The following EPHA3 variants were observed in gnomAD, a reference collection of about 807,000 sequenced individuals.
The protein encoded by EPHA3 is EPH receptor A3, also known as ephrin type-A receptor 3.
A neutral mutation model predicts 107.1 loss-of-function variants in EPHA3; 42 were observed. The ratio of observed to expected loss-of-function variants is 0.39; its 90% confidence interval spans 0.31 to 0.51. The LOEUF (loss-of-function observed/expected upper bound fraction) is 0.51. Among genes scored for constraint, EPHA3 ranks in the 20% least tolerant of loss-of-function variants. The pLI, the probability that EPHA3 is intolerant of heterozygous loss-of-function variation, is 0.78. For missense variants in EPHA3, 1,183 were observed against 1,211.2 expected (o/e 0.98, Z 0.35); for synonymous variants, 461 against 424.8 (o/e 1.09, Z -1.05).
intron 3 of EPHA3, among the ~76,000 whole-genome samples, chr3:89,272,625 T>G (rs1211446022): frequency 6.6e-6 from 1 of 151,996 alleles, no homozygotes; most frequent in Non-Finnish European, 1.5e-5. Flanking sequence ...CTCATTTTTC[T>G]AGTTGTATGT....
chr3:89,400,664 G>C (rs1259306924), intron 7 of EPHA3, among the ~76,000 whole-genome samples: 1 of 149,652 alleles, frequency 6.7e-6, no homozygotes. Context: ...TGTGTGTTTA[G>C]GTAATCATAA....
chr3:89,385,694 A>C (rs1387364863), intron 5 of EPHA3, among the ~76,000 whole-genome samples: 1 of 152,192 alleles, frequency 6.6e-6, no homozygotes, highest in Non-Finnish European at 1.5e-5. Flanking sequence ...ATACCCAAAA[A>C]TGTGGAAGCA....
At position 89,127,291 on chromosome 3, in the gene EPHA3, T is replaced by C. The variant is rs778444187; in HGVS notation, c.153+18T>C. Reference sequence around the variant, plus strand: ...CACATGGGGTGAGTTCAATAAACTATCACAAGGAAACATTTTCTCTATTAC... The same window carrying C: ...CACATGGGGTGAGTTCAATAAACTACCACAAGGAAACATTTTCTCTATTAC... On this transcript the variant is annotated intron_variant, in intron 2 of 16. Transcript: ENST00000336596. 1 of 1,593,594 alleles carries C rather than the reference T, an allele frequency of 6.3e-7. No individual in the cohort carries two copies.
At chr3:89,365,201 A>C (rs1184708608) in intron 5 of EPHA3, among the ~76,000 whole-genome samples, 2 of 150,738 alleles carry the variant, frequency 1.3e-5, no homozygotes, top group African/African-American at 4.8e-5. Context: ...AAAGGTAAAG[A>C]AGGGTTTAAC....
At chr3:89,127,525 T>G (rs187472477) in intron 2 of EPHA3, among the ~76,000 whole-genome samples, 9 of 152,126 alleles carry the variant, frequency 5.9e-5, no homozygotes, top group Admixed American at 5.2e-4. Flanking sequence ...TAATTATTAT[T>G]GGCATCATGT....
chr3:89,168,606 G>A (rs1480758979), intron 2 of EPHA3, among the ~76,000 whole-genome samples: 1 of 151,930 alleles, frequency 6.6e-6, no homozygotes, highest in Non-Finnish European at 1.5e-5. Context: ...CTAAATTAGA[G>A]TTTAGTATAT....
chr3:89,383,265 C>T (rs115830186), intron 5 of EPHA3, among the ~76,000 whole-genome samples: 2,433 of 152,254 alleles, frequency 0.016, 66 homozygotes, highest in African/African-American at 0.055. Flanking sequence ...AATGGCATTT[C>T]GTTTTACTCC....
intron 2 of EPHA3, among the ~76,000 whole-genome samples, chr3:89,145,949 G>T (rs1433193961): frequency 6.6e-6 from 1 of 151,836 alleles, no homozygotes; most frequent in East Asian, 1.9e-4. Context: ...AAAATGAGAT[G>T]TAGTGTTAAA....
At chr3:89,434,684 A>G (rs1391015709) in intron 13 of EPHA3, among the ~76,000 whole-genome samples, 1 of 152,208 alleles carries the variant, frequency 6.6e-6, no homozygotes, top group East Asian at 1.9e-4. Flanking sequence ...TTTCCTTTAC[A>G]CTGATTGTTG....
intron 2 of EPHA3, among the ~76,000 whole-genome samples, chr3:89,140,249 A>G (rs1248321744): frequency 6.6e-6 from 1 of 151,888 alleles, no homozygotes; most frequent in Non-Finnish European, 1.5e-5. Context: ...AACTAAAATA[A>G]ATATCACATA....
At chr3:89,417,293 C>T (rs142915525) in intron 10 of EPHA3, among the ~76,000 whole-genome samples, 3 of 151,406 alleles carry the variant, frequency 2.0e-5, no homozygotes, top group African/African-American at 4.8e-5. Flanking sequence ...CGAAGCAATT[C>T]GGCTGCAGGA....
chr3:89,442,210 T>C (rs1188407541), intron 13 of EPHA3, among the ~76,000 whole-genome samples: 2 of 151,918 alleles, frequency 1.3e-5, no homozygotes, highest in Non-Finnish European at 2.9e-5. Flanking sequence ...ATAAAAAAAT[T>C]CCAGAAGGGA....
intron 1 of EPHA3, among the ~76,000 whole-genome samples, chr3:89,119,123 C>T (rs1707320715): frequency 1.3e-5 from 2 of 152,054 alleles, no homozygotes; most frequent in African/African-American, 4.8e-5. Context: ...AACAAAGACA[C>T]ACTTTTAAGC....
At chr3:89,393,211 G>T (rs1479147705) in intron 5 of EPHA3, among the ~76,000 whole-genome samples, 1 of 152,182 alleles carries the variant, frequency 6.6e-6, no homozygotes, top group African/African-American at 2.4e-5. Context: ...GATGGCACAA[G>T]CTTCAAGCAA....
At chr3:89,285,863 A>G (rs1706069121) in intron 3 of EPHA3, among the ~76,000 whole-genome samples, 1 of 152,138 alleles carries the variant, frequency 6.6e-6, no homozygotes, top group Non-Finnish European at 1.5e-5. Flanking sequence ...TTTATATAGC[A>G]GGAAAGGAAT....
chr3:89,255,507 A>G (rs995449026), intron 3 of EPHA3, among the ~76,000 whole-genome samples: 2 of 152,230 alleles, frequency 1.3e-5, no homozygotes, highest in African/African-American at 4.8e-5. Context: ...TCACATGACA[A>G]CATCAGTAGT....
intron 2 of EPHA3, among the ~76,000 whole-genome samples, chr3:89,130,464 C>G (rs1704182065): frequency 6.6e-6 from 1 of 152,150 alleles, no homozygotes; most frequent in South Asian, 2.1e-4. Context: ...ATCATCTGAG[C>G]TATAAAAAAT....
intron 2 of EPHA3, among the ~76,000 whole-genome samples, chr3:89,193,276 A>G (rs940890335): frequency 6.6e-6 from 1 of 152,022 alleles, no homozygotes; most frequent in Non-Finnish European, 1.5e-5. Flanking sequence ...TGGGTTTAAA[A>G]ATTTCTTTTA....
intron 3 of EPHA3, among the ~76,000 whole-genome samples, chr3:89,328,763 A>C (rs1707227086): frequency 6.6e-6 from 1 of 152,148 alleles, no homozygotes; most frequent in Non-Finnish European, 1.5e-5. Flanking sequence ...AAAAGAGATA[A>C]TACCAGTCTC....
Sources: allele counts gnomAD v4.1 joint callset (sites outside exome capture counted in the v4.1 genomes callset), GRCh38; gene constraint gnomAD v4.1.1; transcripts MANE v1.5; gene names NCBI Gene and HGNC (gene_info 2026-07-23, HGNC 2026-07-21).